The following FRMPD4 variants were observed in gnomAD, a reference collection of about 807,000 sequenced individuals.
The protein encoded by FRMPD4 is FERM and PDZ domain containing 4, also known as FERM and PDZ domain-containing protein 4.
In FRMPD4, 22 loss-of-function variants were observed where a neutral mutation model predicts 94.1. The ratio of observed to expected loss-of-function variants is 0.23; its 90% CI spans 0.17 to 0.33. The LOEUF is 0.33. FRMPD4 is among the 10% of genes least tolerant of loss of function. FRMPD4 has a pLI of 1.00. For synonymous variants in FRMPD4, 631 were observed against 548.6 expected (o/e 1.15, Z -2.10); for missense variants, 1,111 against 1,339.9 (o/e 0.83, Z 2.67).
chrX:12,681,517 C>G (rs751188055), intron 5 of FRMPD4, among the ~76,000 whole-genome samples: 5 of 111,354 alleles, frequency 4.5e-5, no homozygotes, highest in East Asian at 2.8e-4. Flanking sequence ...TTTTTAAAGA[C>G]GGCAGCCATT....
At chrX:12,418,909 C>A (rs947959066) in intron 1 of FRMPD4, among the ~76,000 whole-genome samples, 1 of 111,852 alleles carries the variant, frequency 8.9e-6, no homozygotes, top group South Asian at 3.7e-4. Context: ...TTAAATAATT[C>A]TTCATGAATT....
intron 1 of FRMPD4, among the ~76,000 whole-genome samples, chrX:12,192,022 G>A (rs906250662): frequency 1.8e-5 from 2 of 111,599 alleles, no homozygotes; most frequent in Non-Finnish European, 3.8e-5. Flanking sequence ...ATTTTGCTGT[G>A]AAGCTAACAC....
chrX:12,176,129 T>C (rs1210329444), intron 1 of FRMPD4, among the ~76,000 whole-genome samples: 2 of 112,209 alleles, frequency 1.8e-5, no homozygotes, highest in East Asian at 5.6e-4. Context: ...TCAGCTCTTG[T>C]AAACTGGTAG....
At chrX:12,204,159 A>T (rs1414645882) in intron 1 of FRMPD4, among the ~76,000 whole-genome samples, 2 of 112,180 alleles carry the variant, frequency 1.8e-5, no homozygotes, top group African/African-American at 6.5e-5. Flanking sequence ...CTTGGTTGTC[A>T]CAACTGAGGT....
At chrX:12,628,665 A>C (rs978265908) in intron 4 of FRMPD4, among the ~76,000 whole-genome samples, 6 of 112,668 alleles carry the variant, frequency 5.3e-5, no homozygotes, top group African/African-American at 1.6e-4. Context: ...GCTTCTGAAA[A>C]GACAGGGAGC....
chrX:12,199,480 A>G (rs2056607094), intron 1 of FRMPD4, among the ~76,000 whole-genome samples: 1 of 111,412 alleles, frequency 9.0e-6, no homozygotes, highest in Non-Finnish European at 1.9e-5. Context: ...GTCCTCTCAT[A>G]CAGTGTTCAT....
intron 1 of FRMPD4, among the ~76,000 whole-genome samples, chrX:12,160,127 C>T (rs1429563492): frequency 9.2e-6 from 1 of 108,637 alleles, no homozygotes; most frequent in Non-Finnish European, 1.9e-5. Context: ...GCGTGTATTC[C>T]TATGCAGTTC....
chrX:11,841,111 G>A (rs1601796225), intron 1 of FRMPD4, among the ~76,000 whole-genome samples: 1 of 109,855 alleles, frequency 9.1e-6, no homozygotes, highest in African/African-American at 3.3e-5. Context: ...ATTCCATGGT[G>A]TATATGTGCC....
At chrX:12,704,600 T>C in intron 11 of FRMPD4, 115 bp downstream of exon 11, 2 of 460,026 alleles carry the variant, frequency 4.3e-6, no homozygotes, top group Non-Finnish European at 7.2e-6. Flanking sequence ...TCAGAAGCAG[T>C]AACACTGTGT....
chrX:12,500,539 C>T (rs760561133), intron 2 of FRMPD4, among the ~76,000 whole-genome samples: 81 of 110,676 alleles, frequency 7.3e-4, no homozygotes, highest in African/African-American at 2.5e-3. Context: ...TTCTTTCTGA[C>T]GTACTTAACT....
chrX:12,090,947 CT>C (rs772456763), intron 3 of FRMPD4, among the ~76,000 whole-genome samples: 1 of 111,897 alleles, frequency 8.9e-6, no homozygotes, highest in Non-Finnish European at 1.9e-5. Context: ...CTTTGGGAAG[CT>C]TTTTTTATAT....
chrX:12,505,609 C>G (rs2057972697), intron 2 of FRMPD4, among the ~76,000 whole-genome samples: 1 of 109,732 alleles, frequency 9.1e-6, no homozygotes, highest in African/African-American at 3.3e-5. Context: ...TGCCTTTAAT[C>G]CCAGCTACTT....
chrX:12,130,211 G>C (rs2055539990), intron 3 of FRMPD4, among the ~76,000 whole-genome samples: 1 of 111,298 alleles, frequency 9.0e-6, no homozygotes, highest in Non-Finnish European at 1.9e-5. Context: ...AAAATTCTAA[G>C]TTGGTTCTAT....
intron 3 of FRMPD4, among the ~76,000 whole-genome samples, chrX:11,989,069 T>C (rs1436448052): frequency 8.9e-5 from 10 of 111,837 alleles, no homozygotes; most frequent in Non-Finnish European, 7.5e-5. Flanking sequence ...ATACTAAAAA[T>C]AGACCTACCA....
chrX:11,857,831 G>A (rs1363953400), intron 1 of FRMPD4, among the ~76,000 whole-genome samples: 1 of 112,458 alleles, frequency 8.9e-6, no homozygotes, highest in Non-Finnish European at 1.9e-5. Context: ...TTAATATCCA[G>A]TATCTATAAG....
chrX:12,343,096 T>A (rs2055642512), intron 1 of FRMPD4, among the ~76,000 whole-genome samples: 1 of 111,645 alleles, frequency 9.0e-6, no homozygotes, highest in South Asian at 3.8e-4. Context: ...ACAAGTGACT[T>A]GGGGAGAAGA....
rs2056666128 is a variant in FRMPD4 at position 12,204,341 on chromosome X, T to C, written c.41+65329T>C. Among the ~76,000 whole-genome samples the C allele has an allele frequency of 2.7e-5, 3 of 112,421 alleles. No individual in the cohort carries two copies. In the Admixed American group the frequency reaches 2.8e-4, roughly 11 times the overall value. ...ATGTGGTTGGAGCAAAAAGGTGAGA[T>C]AGAGTCTCTGTCTTGATTCTAGGCT... On this transcript the variant is annotated intron_variant, in intron 1 of 16. Coordinates refer to ENST00000675598, the MANE Select transcript of FRMPD4 (RefSeq NM_001368397.1).
intron 1 of FRMPD4, among the ~76,000 whole-genome samples, chrX:11,844,140 A>C (rs2053559187): frequency 9.8e-6 from 1 of 101,760 alleles, no homozygotes; most frequent in Admixed American, 1.1e-4. Context: ...GGCATGCGCC[A>C]TCACACCCAG....
At chrX:12,050,428 C>T (rs933945848) in intron 3 of FRMPD4, among the ~76,000 whole-genome samples, 1 of 111,301 alleles carries the variant, frequency 9.0e-6, no homozygotes, top group African/African-American at 3.3e-5. Flanking sequence ...ATCATATAAC[C>T]GAGGTGTGAA....
Sources: gnomAD v4.1 joint callset for allele counts (sites outside exome capture counted in the v4.1 genomes callset) on GRCh38, gnomAD v4.1.1 for gene constraint, MANE v1.5 for transcripts, NCBI Gene and HGNC (gene_info 2026-07-23, HGNC 2026-07-21) for gene names.